IL1R1: variants seen among roughly 807,000 people sequenced by gnomAD.
IL1R1 encodes the protein interleukin 1 receptor type 1.
In IL1R1, 22 loss-of-function variants were observed where a neutral mutation model predicts 50.2. The observed-to-expected ratio is 0.44, with a 90% CI of 0.31 to 0.63. The LOEUF is 0.63. Ranked by LOEUF, IL1R1 falls within the 20% of genes least tolerant of loss-of-function variation. The pLI is 0.07. For synonymous variants in IL1R1, 251 were observed against 236.7 expected, an observed-to-expected ratio of 1.06 and a Z score of -0.55; for missense variants, 509 against 676.2, an observed-to-expected ratio of 0.75 and a Z score of 2.74.
chr2:102,095,595 A>T (rs1679861895), intron 1 of IL1R1, among the ~76,000 whole-genome samples: 1 of 152,074 alleles, frequency 6.6e-6, no homozygotes, highest in Non-Finnish European at 1.5e-5. Flanking sequence ...TTTTCTGTAT[A>T]CCTCTCTTTC....
upstream of IL1R1, among the ~76,000 whole-genome samples, chr2:102,102,530 T>G (rs1680185783): frequency 6.6e-6 from 1 of 152,054 alleles, no homozygotes; most frequent in African/African-American, 2.4e-5. Context: ...AAGGTTGCAG[T>G]GAAAAGGGAA....
chr2:102,099,564 C>T (rs532719169), upstream of IL1R1, among the ~76,000 whole-genome samples: 1 of 152,102 alleles, frequency 6.6e-6, no homozygotes, highest in Non-Finnish European at 1.5e-5. Context: ...TGTGGGAGAG[C>T]CTAGCTGGTC....
intron 1 of IL1R1, among the ~76,000 whole-genome samples, chr2:102,113,477 G>A (rs1680894548): frequency 6.6e-6 from 1 of 152,198 alleles, no homozygotes; most frequent in Non-Finnish European, 1.5e-5. Flanking sequence ...TCCAACATGG[G>A]TCACAAAACC....
intron 1 of IL1R1, among the ~76,000 whole-genome samples, chr2:102,151,071 C>T (rs979887025): frequency 2.0e-5 from 3 of 152,132 alleles, no homozygotes; most frequent in Non-Finnish European, 2.9e-5. Flanking sequence ...AAAAGAATTA[C>T]AATGGACTTT....
intron 1 of IL1R1, among the ~76,000 whole-genome samples, chr2:102,083,351 G>A (rs1365042175): frequency 6.6e-6 from 1 of 152,004 alleles, no homozygotes; most frequent in Non-Finnish European, 1.5e-5. Flanking sequence ...TTCCTTTTGG[G>A]TAGGTACCTT....
chr2:102,145,516 C>T (rs956458769), intron 1 of IL1R1, among the ~76,000 whole-genome samples: 1 of 152,222 alleles, frequency 6.6e-6, no homozygotes, highest in African/African-American at 2.4e-5. Flanking sequence ...CATCCAGGAG[C>T]TCACACATGG....
chr2:102,097,075 A>T (rs1022652893), intron 1 of IL1R1, among the ~76,000 whole-genome samples: 1 of 152,206 alleles, frequency 6.6e-6, no homozygotes, highest in African/African-American at 2.4e-5. Context: ...GTGACTTAGC[A>T]CAACAAAAGT....
intron 1 of IL1R1, among the ~76,000 whole-genome samples, chr2:102,105,185 T>C (rs1000018088): frequency 6.6e-6 from 1 of 152,212 alleles, no homozygotes; most frequent in African/African-American, 2.4e-5. Flanking sequence ...CATGAATAGT[T>C]ACATGACTTT....
chr2:102,117,206 T>C (rs1015883711), intron 1 of IL1R1, among the ~76,000 whole-genome samples: 1 of 152,174 alleles, frequency 6.6e-6, no homozygotes, highest in African/African-American at 2.4e-5. Flanking sequence ...CTGTCTATTT[T>C]TGGGTTGACC....
At chr2:102,110,583 T>C (rs1481638224) in intron 1 of IL1R1, among the ~76,000 whole-genome samples, 1 of 151,028 alleles carries the variant, frequency 6.6e-6, no homozygotes, top group Non-Finnish European at 1.5e-5. Context: ...CTTAGTAAGT[T>C]TTCTAAATTT....
upstream of IL1R1, among the ~76,000 whole-genome samples, chr2:102,137,905 G>A (rs1036896100): frequency 6.6e-6 from 1 of 152,102 alleles, no homozygotes; most frequent in African/African-American, 2.4e-5. Flanking sequence ...TCTAGATTTT[G>A]GAAATTGCTT....
intron 1 of IL1R1, among the ~76,000 whole-genome samples, chr2:102,106,994 G>C (rs374673689): frequency 3.7e-4 from 57 of 152,104 alleles, no homozygotes; most frequent in African/African-American, 1.3e-3. Flanking sequence ...AGTTTTCCTT[G>C]AGATAAATCC....
intron 1 of IL1R1, among the ~76,000 whole-genome samples, chr2:102,112,293 G>A (rs866657935): frequency 6.8e-6 from 1 of 148,000 alleles, no homozygotes; most frequent in Non-Finnish European, 1.5e-5. Flanking sequence ...TTTATGGCCA[G>A]CACAGAGTGG....
chr2:102,133,120 T>A lies in IL1R1; in HGVS notation c.-83-20821T>A, dbSNP rs375010227. 2.1e-3 allele frequency among the ~76,000 whole-genome samples: 317 copies of A among 151,924 alleles called. 1 individual carries two copies. Among genetic ancestry groups the A allele is most frequent in the Non-Finnish European group, 2.4e-3 (166 of 67,990 alleles). On this transcript the variant is annotated intron_variant, in intron 1 of 10. Coordinates refer to the IL1R1 transcript ENST00000409329. ...TTAGCTGGACATGGTGGCGGGCACC[T>A]GTAGTCCCAGCTACTAGGGAGGCTG...
In IL1R1 at chr2:102,165,125, T is replaced by TA. The variant is rs756009733; in HGVS notation, c.308dup (p.Tyr103Ter). ...TTTATTTTATTTTAGAAATTCATCTTACTGCCTCAGAATTAAAATAAGTGC... is the reference window on the plus strand; with the variant it reads ...TTTATTTTATTTTAGAAATTCATCTTAACTGCCTCAGAATTAAAATAAGTGC... ...HYYCVVRNSS[Y>*]CLRIKISAKF... Residue 103 changes from tyrosine (Y) to a stop codon, truncating the protein, a stop_gained and frameshift_variant, in exon 5 of 12, where the codon TAC (tyrosine) becomes TAAC (stop). Coordinates refer to ENST00000410023, the MANE Select transcript of IL1R1 (RefSeq NM_000877.4). LOFTEE classifies it high-confidence loss of function. 6.4e-7 allele frequency: 1 copy of TA among 1,570,992 alleles called. No individual in the cohort carries two copies.
At chr2:102,137,989 T>C (rs1682437102), upstream of IL1R1, among the ~76,000 whole-genome samples, 1 of 152,174 alleles carries the variant, frequency 6.6e-6, no homozygotes, top group South Asian at 2.1e-4. Context: ...GGTGGGACTG[T>C]GTGGAATTAC....
chr2:102,102,208 C>G (rs1680172209), upstream of IL1R1, among the ~76,000 whole-genome samples: 1 of 152,094 alleles, frequency 6.6e-6, no homozygotes, highest in African/African-American at 2.4e-5. Context: ...GAAAGGGTAC[C>G]AGGAAGTATG....
intron 2 of IL1R1, among the ~76,000 whole-genome samples, chr2:102,154,944 C>T (rs1684033968): frequency 6.6e-6 from 1 of 152,164 alleles, no homozygotes; most frequent in Non-Finnish European, 1.5e-5. Context: ...CCTCTGTCTC[C>T]CCTCCTGCCC....
intron 1 of IL1R1, among the ~76,000 whole-genome samples, chr2:102,108,242 G>GT (rs1491317356): frequency 6.9e-3 from 189 of 27,572 alleles, no homozygotes; most frequent in African/African-American, 0.028. Flanking sequence ...GTGTGTGTGT[G>GT]GGGGGGGGTG....
Sources: gnomAD v4.1 joint callset for allele counts (sites outside exome capture counted in the v4.1 genomes callset) on GRCh38, gnomAD v4.1.1 for gene constraint, MANE v1.5 for transcripts, NCBI Gene and HGNC (gene_info 2026-07-23, HGNC 2026-07-21) for gene names.